The following WDFY2 variants were observed in gnomAD, a reference collection of about 807,000 sequenced individuals.
The protein encoded by WDFY2 is WD repeat and FYVE domain-containing protein 2.
A neutral mutation model predicts 56.4 loss-of-function variants in WDFY2; 36 were observed. The ratio of observed to expected loss-of-function variants is 0.64; its 90% CI spans 0.49 to 0.84. The LOEUF (loss-of-function observed/expected upper bound fraction) is 0.84. Ranked by LOEUF, WDFY2 falls within the 40% of genes least tolerant of loss-of-function variation. The pLI is 0.00. For missense variants in WDFY2, 444 were observed against 512.2 expected, an observed-to-expected ratio of 0.87 and a Z score of 1.29; for synonymous variants, 176 against 183.7, an observed-to-expected ratio of 0.96 and a Z score of 0.34.
chr13:51,653,851 T>C (rs138566874), intron 1 of WDFY2, among the ~76,000 whole-genome samples: 3,123 of 152,204 alleles, frequency 0.021, 57 homozygotes, highest in Non-Finnish European at 0.033. Flanking sequence ...TACTTGGGGG[T>C]CAGGGACCCA....
chr13:51,671,562 T>G (rs1955806874), intron 2 of WDFY2, among the ~76,000 whole-genome samples: 2 of 151,980 alleles, frequency 1.3e-5, no homozygotes, highest in Admixed American at 6.6e-5. Flanking sequence ...GGGGTTCTTT[T>G]TGTGTGTGTG....
chr13:51,618,142 G>C (rs1418706389), intron 1 of WDFY2, among the ~76,000 whole-genome samples: 1 of 152,178 alleles, frequency 6.6e-6, no homozygotes, highest in Non-Finnish European at 1.5e-5. Flanking sequence ...CAGGCCCCCT[G>C]TTGTTAGCAC....
At chr13:51,727,365 T>C (rs1047889401) in intron 5 of WDFY2, among the ~76,000 whole-genome samples, 2 of 152,192 alleles carry the variant, frequency 1.3e-5, no homozygotes, top group Admixed American at 6.5e-5. Flanking sequence ...TATTCTTGGC[T>C]CTTTTTGCTT....
At chr13:51,682,586 G>A (rs1955997678) in intron 3 of WDFY2, among the ~76,000 whole-genome samples, 1 of 152,134 alleles carries the variant, frequency 6.6e-6, no homozygotes, top group Admixed American at 6.6e-5. Context: ...CCCTCAAGTT[G>A]TGTCACATTG....
chr13:51,611,808 C>T (rs1954509034), intron 1 of WDFY2, among the ~76,000 whole-genome samples: 2 of 152,136 alleles, frequency 1.3e-5, no homozygotes, highest in African/African-American at 4.8e-5. Context: ...GGAGATACCT[C>T]TGGGAAAGGA....
intron 3 of WDFY2, among the ~76,000 whole-genome samples, chr13:51,694,298 G>A (rs1951814167): frequency 6.6e-6 from 1 of 152,116 alleles, no homozygotes; most frequent in Non-Finnish European, 1.5e-5. Context: ...TTACAATTTG[G>A]CATGATTTTT....
At chr13:51,665,211 A>G (rs1955678366) in intron 2 of WDFY2, among the ~76,000 whole-genome samples, 1 of 152,214 alleles carries the variant, frequency 6.6e-6, no homozygotes, top group Non-Finnish European at 1.5e-5. Flanking sequence ...TTATGGATGA[A>G]TGAGAAATCA....
chr13:51,755,622 C>T (rs12430600), intron 9 of WDFY2, among the ~76,000 whole-genome samples, 163 bp downstream of exon 9: 20,526 of 152,036 alleles, frequency 0.14, 1,894 homozygotes, highest in African/African-American at 0.23. Context: ...CTACCATAGC[C>T]CATTCCTACT....
intron 4 of WDFY2, among the ~76,000 whole-genome samples, chr13:51,706,993 C>T (rs772761705): frequency 1.3e-4 from 20 of 151,674 alleles, no homozygotes; most frequent in Non-Finnish European, 2.4e-4. Context: ...GGAAATAAAA[C>T]GATTATGGAA....
At chr13:51,666,706 C>A (rs185683372) in intron 2 of WDFY2, among the ~76,000 whole-genome samples, 7 of 152,186 alleles carry the variant, frequency 4.6e-5, no homozygotes, top group Admixed American at 3.9e-4. Context: ...AATTTTCTTT[C>A]TGTTTACACA....
chr13:51,740,761 TATC>T (rs1463126289), intron 7 of WDFY2, among the ~76,000 whole-genome samples: 3 of 151,828 alleles, frequency 2.0e-5, no homozygotes, highest in African/African-American at 7.3e-5. Context: ...ATAACACTAT[TATC>T]ATCTAATCTG....
chr13:51,755,807 C>T (rs1482239366), intron 9 of WDFY2, among the ~76,000 whole-genome samples: 1 of 152,100 alleles, frequency 6.6e-6, no homozygotes, highest in South Asian at 2.1e-4. Context: ...TTTACTTTCC[C>T]TCCTTCTGAT....
chr13:51,711,962 A>G (rs931779743), intron 4 of WDFY2, among the ~76,000 whole-genome samples: 1 of 152,238 alleles, frequency 6.6e-6, no homozygotes, highest in African/African-American at 2.4e-5. Flanking sequence ...AGGTTTATAA[A>G]TCATCCTGCT....
At chr13:51,663,244 A>G (rs1437739695) in intron 2 of WDFY2, among the ~76,000 whole-genome samples, 1 of 152,240 alleles carries the variant, frequency 6.6e-6, no homozygotes, top group African/African-American at 2.4e-5. Context: ...CATGTTGATG[A>G]TCTATGTACA....
chr13:51,627,672 C>T (rs1165047528), intron 1 of WDFY2, among the ~76,000 whole-genome samples: 1 of 152,176 alleles, frequency 6.6e-6, no homozygotes, highest in Non-Finnish European at 1.5e-5. Context: ...GTGTGAGCCA[C>T]CATGCCCAGC....
chr13:51,703,703 T>C, intron 4 of WDFY2, 53 bp downstream of exon 4: 1 of 1,428,048 alleles, frequency 7.0e-7, no homozygotes, highest in Non-Finnish European at 9.7e-7. Flanking sequence ...TACTTCTTGG[T>C]GGTTTTCACT....
chr13:51,602,386 G>A (rs921772386), intron 1 of WDFY2, among the ~76,000 whole-genome samples: 1 of 152,164 alleles, frequency 6.6e-6, no homozygotes, highest in Non-Finnish European at 1.5e-5. Context: ...TAGCCTAAAA[G>A]CAATAGGCCA....
At chr13:51,711,720 G>A (rs932061177) in intron 4 of WDFY2, among the ~76,000 whole-genome samples, 1 of 152,218 alleles carries the variant, frequency 6.6e-6, no homozygotes, top group African/African-American at 2.4e-5. Context: ...TCAGAGAAAT[G>A]CAAAACAAAA....
chr13:51,750,478 TCTC>T (rs1322358754), intron 7 of WDFY2, among the ~76,000 whole-genome samples: 1 of 150,654 alleles, frequency 6.6e-6, no homozygotes, highest in African/African-American at 2.4e-5. Flanking sequence ...AAAGAGCTGT[TCTC>T]CTTCCCAGTA....
Sources: allele counts gnomAD v4.1 joint callset (sites outside exome capture counted in the v4.1 genomes callset), GRCh38; gene constraint gnomAD v4.1.1; transcripts MANE v1.5; gene names NCBI Gene and HGNC (gene_info 2026-07-23, HGNC 2026-07-21).